ANXA4: variants seen among roughly 807,000 people sequenced by gnomAD.
The protein encoded by ANXA4 is 35-beta calcimedin.
In ANXA4, 39 loss-of-function variants were observed where a neutral mutation model predicts 49.8. The ratio of observed to expected loss-of-function variants is 0.78; its 90% CI spans 0.61 to 1.02. The LOEUF is 1.02. Among genes scored for constraint, ANXA4 ranks in the 50% least tolerant of loss-of-function variants. The pLI, the probability that ANXA4 is intolerant of heterozygous loss-of-function variation, is 0.00. For synonymous variants in ANXA4, 134 were observed against 152.5 expected, an observed-to-expected ratio of 0.88 and a Z score of 0.89; for missense variants, 360 against 410.1, an observed-to-expected ratio of 0.88 and a Z score of 1.05.
chr2:69,766,503 T>TAAAA (rs1671498731), intron 1 of ANXA4, among the ~76,000 whole-genome samples: 1 of 152,222 alleles, frequency 6.6e-6, no homozygotes, highest in Non-Finnish European at 1.5e-5. Flanking sequence ...AGGAGGATTA[T>TAAAA]AAACCCAGGT....
chr2:69,682,967 C>G (rs1429050558), intron 2 of ANXA4, among the ~76,000 whole-genome samples: 1 of 152,158 alleles, frequency 6.6e-6, no homozygotes, highest in Non-Finnish European at 1.5e-5. Flanking sequence ...ATCATTTTTA[C>G]TAAAATATCC....
At chr2:69,725,123 G>T (rs1041519541) in intron 3 of ANXA4, among the ~76,000 whole-genome samples, 4 of 152,122 alleles carry the variant, frequency 2.6e-5, no homozygotes, top group Non-Finnish European at 5.9e-5. Context: ...TCAGCTTCCT[G>T]ACATCCACCT....
chr2:69,663,078 C>T (rs1241463444), intron 2 of ANXA4, among the ~76,000 whole-genome samples: 26 of 148,466 alleles, frequency 1.8e-4, no homozygotes, highest in Non-Finnish European at 3.1e-4. Flanking sequence ...CTGCAAGCTC[C>T]GCCTCCCAGG....
At chr2:69,781,190 G>C (rs1297036132) in intron 1 of ANXA4, 1 of 305,476 alleles carries the variant, frequency 3.3e-6, no homozygotes, top group Non-Finnish European at 6.2e-6. Context: ...CTGATCTGCT[G>C]TAACATTCAG....
chr2:69,816,094 G>C lies in ANXA4; in HGVS notation c.535-7G>C. ...GAATTTTAGACCTGTGCTTTGTTTG[G>C]CTTCAGGACCTGTATGAGGCTGGAG... On this transcript the variant is annotated splice_region_variant and splice_polypyrimidine_tract_variant and intron_variant, in intron 8 of 12. Coordinates refer to ENST00000394295, the MANE Select transcript of ANXA4 (RefSeq NM_001153.5). The C allele has an allele frequency of 1.2e-6, 2 of 1,612,548 alleles. No individual in the cohort carries two copies. Among genetic ancestry groups the C allele is most frequent in the Non-Finnish European group, 1.7e-6 (2 of 1,178,642 alleles).
intron 2 of ANXA4, among the ~76,000 whole-genome samples, chr2:69,697,632 G>T (rs1016124266): frequency 6.6e-6 from 1 of 152,092 alleles, no homozygotes; most frequent in Non-Finnish European, 1.5e-5. Flanking sequence ...TCTAGCTTCG[G>T]ATTCAAAAAT....
At chr2:69,662,351 A>C (rs1676754060) in intron 2 of ANXA4, among the ~76,000 whole-genome samples, 1 of 152,074 alleles carries the variant, frequency 6.6e-6, no homozygotes, top group Non-Finnish European at 1.5e-5. Flanking sequence ...AAGCTGTTGA[A>C]CATTATTTCT....
chr2:69,651,929 C>G (rs1676263403), intron 1 of ANXA4, among the ~76,000 whole-genome samples: 2 of 151,730 alleles, frequency 1.3e-5, no homozygotes, highest in Non-Finnish European at 2.9e-5. Context: ...AATCCTGCCT[C>G]AGCCTCCAAA....
intron 6 of ANXA4, chr2:69,808,562 T>C (rs1673552733): frequency 6.5e-6 from 1 of 153,186 alleles, no homozygotes; most frequent in African/African-American, 2.4e-5. Context: ...TAGCTAAAAA[T>C]GCCCAAGAGT....
At chr2:69,715,196 G>T (rs1164593418) in intron 2 of ANXA4, among the ~76,000 whole-genome samples, 2 of 152,048 alleles carry the variant, frequency 1.3e-5, no homozygotes, top group Non-Finnish European at 2.9e-5. Flanking sequence ...ATCATGGTTT[G>T]TTTTTTATTT....
chr2:69,813,754 CTCTCTTTT>C (rs1673812299), intron 8 of ANXA4, among the ~76,000 whole-genome samples: 2 of 131,786 alleles, frequency 1.5e-5, no homozygotes, highest in Admixed American at 7.8e-5. Flanking sequence ...CTCTCTCTCT[CTCTCTTTT>C]TTTTTTTTTT....
chr2:69,781,310 A>G, intron 1 of ANXA4: 3 of 588,618 alleles, frequency 5.1e-6, no homozygotes, highest in Non-Finnish European at 9.1e-6. Flanking sequence ...GTGGGAAAAT[A>G]TTTTACCAGT....
rs957340074 is a variant in ANXA4, at chr2:69,732,689, C to T, written n.864+11818C>T. On this transcript the variant is annotated intron_variant and non_coding_transcript_variant, in intron 3 of 3. Coordinates refer to the ANXA4 transcript ENST00000418066. ...AGGAGAATCACATGAACCCAGGAGG[C>T]GGAGGTTGCAGTGAGCTGAGATCGC... Among the ~76,000 whole-genome samples the T allele has an allele frequency of 9.2e-5, 14 of 151,822 alleles. No individual in the cohort carries two copies. The South Asian group carries it at 2.5e-3, about 27-fold the overall frequency.
At chr2:69,822,217 C>T (rs953295598) in intron 12 of ANXA4, among the ~76,000 whole-genome samples, 8 of 152,036 alleles carry the variant, frequency 5.3e-5, no homozygotes, top group East Asian at 1.9e-4. Context: ...AAAAATTAGC[C>T]GGGTGTGGTG....
intron 1 of ANXA4, among the ~76,000 whole-genome samples, chr2:69,772,035 C>T (rs987221617): frequency 5.9e-5 from 9 of 152,204 alleles, no homozygotes; most frequent in African/African-American, 2.2e-4. Context: ...GCTGTAGTCA[C>T]CCACCCATGT....
chr2:69,769,872 A>C (rs1199998109), intron 1 of ANXA4, among the ~76,000 whole-genome samples: 3 of 152,184 alleles, frequency 2.0e-5, no homozygotes, highest in African/African-American at 7.2e-5. Flanking sequence ...CATGTTGGCC[A>C]GGCTGGTCTC....
At chr2:69,796,093 C>A (rs1028656144) in intron 3 of ANXA4, among the ~76,000 whole-genome samples, 1 of 152,186 alleles carries the variant, frequency 6.6e-6, no homozygotes, top group Non-Finnish European at 1.5e-5. Context: ...ACCTGTCAGT[C>A]CTGCCGGACC....
At chr2:69,741,674 G>A (rs559354710), upstream of ANXA4, among the ~76,000 whole-genome samples, 9 of 152,376 alleles carry the variant, frequency 5.9e-5, no homozygotes, top group South Asian at 1.9e-3. Flanking sequence ...CCGAGGTGGG[G>A]GGAAGCGCGG....
At chr2:69,771,275 A>G (rs531084727) in intron 1 of ANXA4, among the ~76,000 whole-genome samples, 114 of 152,178 alleles carry the variant, frequency 7.5e-4, no homozygotes, top group Middle Eastern at 3.4e-3. Context: ...CACAGTGGGG[A>G]AATATCTGAC....
Sources: gnomAD v4.1 joint callset for allele counts (sites outside exome capture counted in the v4.1 genomes callset) on GRCh38, gnomAD v4.1.1 for gene constraint, MANE v1.5 for transcripts, NCBI Gene and HGNC (gene_info 2026-07-23, HGNC 2026-07-21) for gene names.